Variants in NRXN3 observed in about 807,000 individuals in gnomAD.
NRXN3 encodes neurexin 3.
In NRXN3, 32 loss-of-function variants were observed where a neutral mutation model predicts 137.6. That is an observed-to-expected ratio of 0.23 (90% CI 0.18 to 0.31). The LOEUF (loss-of-function observed/expected upper bound fraction) is 0.31. Among genes scored for constraint, NRXN3 ranks in the 10% least tolerant of loss-of-function variants. The pLI is 1.00. For synonymous variants in NRXN3, 798 were observed against 784.5 expected (o/e 1.02, Z -0.29); for missense variants, 1,574 against 2,062.5 (o/e 0.76, Z 4.59).
chr14:79,836,421 G>A (rs1397503583), intron 20 of NRXN3, among the ~76,000 whole-genome samples: 8 of 151,782 alleles, frequency 5.3e-5, no homozygotes, highest in Non-Finnish European at 8.8e-5. Context: ...TGTTACACTT[G>A]TAGTATCAAG....
chr14:79,773,854 A>T (rs2099088063), intron 19 of NRXN3, among the ~76,000 whole-genome samples: 1 of 151,182 alleles, frequency 6.6e-6, no homozygotes, highest in African/African-American at 2.4e-5. Context: ...GAAATCAGGC[A>T]GACTGGATCT....
intron 10 of NRXN3, among the ~76,000 whole-genome samples, chr14:78,952,232 TG>T (rs1240940640): frequency 1.4e-5 from 2 of 142,328 alleles, no homozygotes; most frequent in African/African-American, 2.9e-5. Flanking sequence ...TGATTTAAAA[TG>T]TTTTTTTTTT....
At chr14:78,929,508 C>A (rs945099476) in intron 10 of NRXN3, among the ~76,000 whole-genome samples, 12 of 152,132 alleles carry the variant, frequency 7.9e-5, no homozygotes, top group African/African-American at 2.9e-4. Flanking sequence ...GCCTCTAGCT[C>A]CATCCATGAT....
At chr14:79,327,452 C>T (rs2091061377) in intron 15 of NRXN3, among the ~76,000 whole-genome samples, 1 of 152,172 alleles carries the variant, frequency 6.6e-6, no homozygotes, top group Non-Finnish European at 1.5e-5. Flanking sequence ...TCTGGGTCTT[C>T]TCAGCTCAGA....
intron 19 of NRXN3, among the ~76,000 whole-genome samples, chr14:79,728,571 A>G (rs1177899029): frequency 6.6e-6 from 1 of 152,220 alleles, no homozygotes; most frequent in Non-Finnish European, 1.5e-5. Context: ...AGACTTTTTC[A>G]TCTTTGCAGG....
intron 15 of NRXN3, among the ~76,000 whole-genome samples, chr14:79,464,587 A>G (rs919410285): frequency 2.0e-5 from 3 of 152,306 alleles, no homozygotes; most frequent in East Asian, 1.9e-4. Context: ...TGGCCAGACA[A>G]GCTTTTGAAA....
At chr14:78,740,825 G>A (rs928973559) in intron 8 of NRXN3, among the ~76,000 whole-genome samples, 8 of 151,496 alleles carry the variant, frequency 5.3e-5, no homozygotes, top group African/African-American at 1.5e-4. Flanking sequence ...ATTTTTTCTG[G>A]TTATGACTTT....
At position 78,280,521 on chromosome 14, in the gene NRXN3, G is replaced by A. The variant is rs574275960; in HGVS notation, c.727+1859G>A. ...CCTCGTTTTGTTTGTAAAGTGCCAC[G>A]TGGCGGCTTCTCTTTCTGGTTCCCA... On this transcript the variant is annotated intron_variant, in intron 3 of 20. Transcript: ENST00000335750. Among the ~76,000 whole-genome samples, 37 of 152,268 alleles carry A rather than the reference G, an allele frequency of 2.4e-4. No individual in the cohort carries two copies. The South Asian group carries it at 4.6e-3, about 19-fold the overall frequency.
intron 10 of NRXN3, among the ~76,000 whole-genome samples, chr14:78,829,715 C>G (rs2098976589): frequency 1.3e-5 from 2 of 151,934 alleles, no homozygotes; most frequent in Non-Finnish European, 2.9e-5. Context: ...ATTTTAAATC[C>G]TTTGTTGCTA....
In NRXN3 at chr14:78,513,852, T is replaced by C. The variant is rs146925167; in HGVS notation, c.758-131268T>C. On this transcript the variant is annotated intron_variant, in intron 4 of 20. Transcript: ENST00000335750. ...TGACATGCAGAAAGCTTACTGCCAC[T>C]GGGTTATTTCATCAGTTTTTCCCCA... Among the ~76,000 whole-genome samples the C allele has an allele frequency of 3.6e-3, 544 of 152,254 alleles. 3 individuals carry two copies. The highest frequency in any genetic ancestry group is 0.012 in the African/African-American group (489 of 41,560).
Position 79,861,107 on chromosome 14 carries a change from C to T in NRXN3, c.4094-235C>T. ...TACCCCTCCTATTGCTACTCGTGCA[C>T]CTTCCATTACACTCCCCCCTACCTT... On this transcript the variant is annotated intron_variant, in intron 20 of 20. Coordinates refer to ENST00000335750, the MANE Select transcript of NRXN3 (RefSeq NM_001330195.2). The surrounding 1 kb of genome is among the most constrained non-coding windows in gnomAD (Gnocchi z 5.4). 1 of 1,460,378 alleles carries T rather than the reference C, an allele frequency of 6.8e-7. No homozygotes were observed. Among genetic ancestry groups the T allele is most frequent in the Non-Finnish European group, 9.0e-7 (1 of 1,109,772 alleles). The allele number at this position is 1,460,378 out of a possible 1,614,324, so 90.5% of individuals were successfully genotyped here.
At chr14:78,351,193 G>A (rs1190978905) in intron 4 of NRXN3, among the ~76,000 whole-genome samples, 4 of 152,092 alleles carry the variant, frequency 2.6e-5, no homozygotes, top group African/African-American at 9.7e-5. Flanking sequence ...TTTAGCTCTA[G>A]GGCATCTATT....
At chr14:78,898,378 T>G (rs1005052461) in intron 10 of NRXN3, among the ~76,000 whole-genome samples, 1 of 151,924 alleles carries the variant, frequency 6.6e-6, no homozygotes, top group Non-Finnish European at 1.5e-5. Context: ...CACAGAGAAC[T>G]TACAACTCCA....
chr14:79,711,451 A>G (rs1370730360), intron 19 of NRXN3, among the ~76,000 whole-genome samples: 1 of 151,558 alleles, frequency 6.6e-6, no homozygotes, highest in Admixed American at 6.6e-5. Flanking sequence ...TTTAGTGTAT[A>G]TATGTATATA....
chr14:78,863,107 C>T (rs564813151), intron 10 of NRXN3, among the ~76,000 whole-genome samples: 75 of 152,074 alleles, frequency 4.9e-4, no homozygotes, highest in African/African-American at 1.3e-3. Context: ...TCCTTTATTT[C>T]GGCCATCAGA....
chr14:79,769,579 A>AT (rs1357044907), intron 19 of NRXN3, among the ~76,000 whole-genome samples: 2 of 152,160 alleles, frequency 1.3e-5, no homozygotes, highest in Non-Finnish European at 2.9e-5. Context: ...ATGCTGAGAG[A>AT]TTTTGTCACC....
At chr14:79,397,381 G>T (rs555912216) in intron 15 of NRXN3, among the ~76,000 whole-genome samples, 1 of 152,222 alleles carries the variant, frequency 6.6e-6, no homozygotes, top group South Asian at 2.1e-4. Flanking sequence ...CATCTTTGTT[G>T]GTGCTAAATA....
At chr14:78,618,089 A>G (rs2097364386) in intron 4 of NRXN3, among the ~76,000 whole-genome samples, 1 of 151,994 alleles carries the variant, frequency 6.6e-6, no homozygotes, top group Non-Finnish European at 1.5e-5. Flanking sequence ...TTAGCACCCG[A>G]AAAGTTATTT....
chr14:79,819,455 A>G (rs923803372), intron 20 of NRXN3, among the ~76,000 whole-genome samples: 4 of 148,494 alleles, frequency 2.7e-5, no homozygotes, highest in Admixed American at 2.0e-4. Flanking sequence ...ACATGAGACC[A>G]CATAGGATAC....
Sources: gnomAD v4.1 joint callset for allele counts (sites outside exome capture counted in the v4.1 genomes callset) on GRCh38, gnomAD v4.1.1 for gene constraint, Gnocchi (gnomAD v3.1) non-coding constraint, MANE v1.5 for transcripts, NCBI Gene and HGNC (gene_info 2026-07-23, HGNC 2026-07-21) for gene names.